Variants in TM9SF3 observed in about 807,000 individuals in gnomAD.
The protein encoded by TM9SF3 is transmembrane 9 superfamily member 3.
In TM9SF3, 14 loss-of-function variants were observed where a neutral mutation model predicts 78.6. The ratio of observed to expected loss-of-function variants is 0.18; its 90% CI spans 0.12 to 0.28. TM9SF3 has a LOEUF of 0.28. Ranked by LOEUF, TM9SF3 falls within the 10% of genes least tolerant of loss-of-function variation. The pLI is 1.00. For missense variants in TM9SF3, 496 were observed against 721.9 expected, an observed-to-expected ratio of 0.69 and a Z score of 3.59; for synonymous variants, 231 against 241.7, an observed-to-expected ratio of 0.96 and a Z score of 0.41.
rs748505006 is a variant in TM9SF3, at chr10:96,565,362, T to C, written c.363A>G (p.Val121=). 1.9e-6 allele frequency: 3 copies of C among 1,566,686 alleles called. No homozygotes were observed. The highest frequency in any genetic ancestry group is 2.6e-6 in the Non-Finnish European group (3 of 1,165,064). The change falls in exon 3 of 15, where the codon GTA becomes GTG. Residue 121 remains valine (V), a synonymous_variant. Transcript: ENST00000371142. ...DLDKEKRDAF[V]YAIKNHYWYQ... The stretch of plus-strand genomic sequence containing the variant: ...ACCAGTAATGATTTTTTATGGCATA[T>C]ACAAATGCATCTCTCTTTTCTTTAT...
At chr10:96,561,277 T>G (rs1589457680) in intron 4 of TM9SF3, among the ~76,000 whole-genome samples, 1 of 152,358 alleles carries the variant, frequency 6.6e-6, no homozygotes, top group Non-Finnish European at 1.5e-5. Flanking sequence ...TAAATCTTTA[T>G]TTTTAGACTG....
chr10:96,522,372 G>A, intron 14 of TM9SF3, 42 bp from the exon 15 acceptor site: 1 of 1,455,992 alleles, frequency 6.9e-7, no homozygotes, highest in Non-Finnish European at 9.2e-7. Context: ...AATACATACA[G>A]AGCAGTATCC....
chr10:96,527,269 G>A lies in TM9SF3; in HGVS notation c.1646C>T (p.Thr549Ile). ...CGCCATATATCCAAAGTAAAATGAT[G>A]TTTGAAATAAGCCATACATCCTGAA... ...FKTKMYGLFQ[T>I]SFYFGYMAVF... The change falls in exon 14 of 15, where the codon ACA becomes ATA. Residue 549 changes from threonine to isoleucine, a missense_variant. Coordinates refer to ENST00000371142, the MANE Select transcript of TM9SF3 (RefSeq NM_020123.4). 2 of 1,611,682 alleles carry A rather than the reference G, an allele frequency of 1.2e-6. No homozygotes were observed. The highest frequency in any genetic ancestry group is 1.7e-6 in the Non-Finnish European group (2 of 1,178,712).
intron 3 of TM9SF3, 47 bp downstream of exon 3, chr10:96,565,257 G>A: frequency 1.4e-6 from 2 of 1,449,338 alleles, no homozygotes; most frequent in Non-Finnish European, 1.8e-6. Context: ...TATAAATTCT[G>A]ATTATGCAAA....
intron 3 of TM9SF3, among the ~76,000 whole-genome samples, chr10:96,563,389 T>G (rs75580938): frequency 2.6e-5 from 4 of 152,120 alleles, no homozygotes; most frequent in Non-Finnish European, 4.4e-5. Flanking sequence ...TTTTTTTTTT[T>G]GAGACAGAGT....
chr10:96,539,730 A>C (rs1335189725), intron 9 of TM9SF3, among the ~76,000 whole-genome samples: 1 of 152,176 alleles, frequency 6.6e-6, no homozygotes, highest in Non-Finnish European at 1.5e-5. Flanking sequence ...ATCTGTAAAA[A>C]CACACAAACA....
chr10:96,562,967 A>C (rs1848328095), intron 3 of TM9SF3, among the ~76,000 whole-genome samples: 1 of 152,218 alleles, frequency 6.6e-6, no homozygotes, highest in Non-Finnish European at 1.5e-5. Context: ...AAATATAATC[A>C]TATTTATAAA....
chr10:96,551,300 A>G lies in TM9SF3; in HGVS notation c.904T>C (p.Phe302Leu), dbSNP rs374850131. Residue 302 changes from phenylalanine (F) to leucine (L), a missense_variant, in exon 7 of 15, where the codon TTT becomes CTT. Physicochemically the swap from Phe to Leu is conservative, Grantham distance 22. This residue lies in a region of TM9SF3 where 280 missense variants were observed against 422.6 expected (regional missense o/e 0.66). Coordinates refer to ENST00000371142, the MANE Select transcript of TM9SF3 (RefSeq NM_020123.4). ...SSLIGSGCQI[F>L]AVSLIVIIVA... ...ATAATAACGATGAGAGACACAGCAA[A>G]TATCTGACATCCAGAACCAATCAGA... The G allele has an allele frequency of 1.9e-6, 3 of 1,612,862 alleles. No individual in the cohort carries two copies. Among genetic ancestry groups the G allele is most frequent in the African/African-American group, 2.7e-5 (2 of 74,890 alleles).
chr10:96,541,039 C>T (rs1383990185), intron 9 of TM9SF3, among the ~76,000 whole-genome samples: 1 of 151,904 alleles, frequency 6.6e-6, no homozygotes, highest in Non-Finnish European at 1.5e-5. Context: ...GCTGGGATTA[C>T]AGGCAGGAGC....
chr10:96,559,842 T>A, intron 4 of TM9SF3, 106 bp from the exon 5 acceptor site: 6 of 611,974 alleles, frequency 9.8e-6, no homozygotes, highest in Non-Finnish European at 1.6e-5. Flanking sequence ...AGAATTAAAA[T>A]TCACTAGAGA....
chr10:96,569,354 A>G (rs764393993), intron 2 of TM9SF3, among the ~76,000 whole-genome samples: 5 of 152,214 alleles, frequency 3.3e-5, no homozygotes, highest in Non-Finnish European at 5.9e-5. Flanking sequence ...CAGAAGCCAG[A>G]GCTCTTGGTT....
chr10:96,528,770 T>C (rs1028900382), intron 11 of TM9SF3, among the ~76,000 whole-genome samples: 1 of 152,136 alleles, frequency 6.6e-6, no homozygotes, highest in Non-Finnish European at 1.5e-5. Context: ...TTAGTCACTA[T>C]GGCTAATACT....
At chr10:96,526,704 C>T (rs1372880304) in intron 14 of TM9SF3, among the ~76,000 whole-genome samples, 1 of 152,056 alleles carries the variant, frequency 6.6e-6, no homozygotes, top group Non-Finnish European at 1.5e-5. Context: ...TCTGTAGATA[C>T]CCAAGTATGC....
At chr10:96,546,169 A>T (rs1426418221) in intron 8 of TM9SF3, among the ~76,000 whole-genome samples, 1 of 152,202 alleles carries the variant, frequency 6.6e-6, no homozygotes, top group Non-Finnish European at 1.5e-5. Flanking sequence ...TCCTGAGATA[A>T]GTCTGAAAAA....
At chr10:96,578,797 C>T (rs189812162) in intron 1 of TM9SF3, among the ~76,000 whole-genome samples, 103 of 152,304 alleles carry the variant, frequency 6.8e-4, no homozygotes, top group African/African-American at 2.0e-3. Context: ...TGTTCATGGC[C>T]GGGTACGGTG....
In TM9SF3 at chr10:96,539,205, T is replaced by C. The variant is rs1405891416; in HGVS notation, c.1185+4871A>G. On this transcript the variant is annotated intron_variant, in intron 9 of 14. Coordinates refer to ENST00000371142, the MANE Select transcript of TM9SF3 (RefSeq NM_020123.4). ...GCAACATCAGGCCGGGTGTGGTGGC[T>C]CGTACCTGTAATCGCAGCACTTTGG... is the stretch of plus-strand genomic sequence containing the variant. Among the ~76,000 whole-genome samples, 4 of 148,580 alleles carry C rather than the reference T, an allele frequency of 2.7e-5. No homozygotes were observed. In the South Asian group the frequency reaches 8.5e-4, roughly 32 times the overall value.
At chr10:96,562,161 T>C (rs1848316016) in intron 3 of TM9SF3, 23 bp from the exon 4 acceptor site, 1 of 1,514,208 alleles carries the variant, frequency 6.6e-7, no homozygotes, top group South Asian at 1.2e-5. Flanking sequence ...AAACACTTTA[T>C]ACAAGGTAAA....
At chr10:96,544,040 C>T (rs1433608435) in intron 9 of TM9SF3, 36 bp downstream of exon 9, 13 of 1,588,740 alleles carry the variant, frequency 8.2e-6, no homozygotes, top group Non-Finnish European at 1.1e-5. Context: ...AATGTGTATA[C>T]TTTTTCAGTT....
At chr10:96,562,337 C>T (rs928232449) in intron 3 of TM9SF3, among the ~76,000 whole-genome samples, 199 bp from the exon 4 acceptor site, 4 of 151,538 alleles carry the variant, frequency 2.6e-5, no homozygotes, top group Admixed American at 6.6e-5. Flanking sequence ...AAGCAGATGC[C>T]GCTATGCTTC....
Sources: gnomAD v4.1 joint callset for allele counts (sites outside exome capture counted in the v4.1 genomes callset) on GRCh38, gnomAD v4.1.1 for gene constraint, gnomAD v4.1.1 regional missense constraint, MANE v1.5 for transcripts, NCBI Gene and HGNC (gene_info 2026-07-23, HGNC 2026-07-21) for gene names.